Variants in GRID2 observed in about 807,000 individuals in gnomAD.
GRID2 encodes glutamate ionotropic receptor delta type subunit 2.
A neutral mutation model predicts 114.8 loss-of-function variants in GRID2; 33 were observed. The observed-to-expected ratio is 0.29, with a 90% confidence interval of 0.22 to 0.38. GRID2 has a LOEUF of 0.38. Ranked by LOEUF, GRID2 falls within the 10% of genes least tolerant of loss-of-function variation. GRID2 has a pLI of 1.00. For synonymous variants in GRID2, 505 were observed against 449.9 expected, an observed-to-expected ratio of 1.12 and a Z score of -1.55; for missense variants, 1,184 against 1,257.7, an observed-to-expected ratio of 0.94 and a Z score of 0.89.
rs575114805 is a variant in GRID2, at chr4:93,399,106, G to T, written c.1347+3398G>T. ...TTTAATCTATACTCAACTTGATGTT[G>T]TCACCTAAACGCAACCTCCCACCCC... On this transcript the variant is annotated intron_variant, in intron 9 of 15. Transcript: ENST00000282020. Among the ~76,000 whole-genome samples the T allele has an allele frequency of 8.6e-5, 13 of 151,970 alleles. No homozygotes were observed. The East Asian group carries it at 2.1e-3, about 25-fold the overall frequency.
chr4:93,342,418 C>T (rs1759760419), intron 8 of GRID2, among the ~76,000 whole-genome samples: 1 of 152,058 alleles, frequency 6.6e-6, no homozygotes, highest in African/African-American at 2.4e-5. Context: ...GCTTAAAATC[C>T]ATTTCCTCAT....
chr4:93,227,141 AT>A (rs1367783666), intron 7 of GRID2, among the ~76,000 whole-genome samples: 1 of 152,106 alleles, frequency 6.6e-6, no homozygotes, highest in East Asian at 1.9e-4. Context: ...TCTTTCTCCT[AT>A]TGTCCTGATA....
chr4:93,044,168 A>G (rs1725900946), intron 2 of GRID2, among the ~76,000 whole-genome samples: 1 of 152,088 alleles, frequency 6.6e-6, no homozygotes, highest in Non-Finnish European at 1.5e-5. Context: ...TTTGATTTAG[A>G]CATGGAGAAA....
At chr4:93,471,187 G>A (rs1472438716) in intron 11 of GRID2, among the ~76,000 whole-genome samples, 2 of 152,088 alleles carry the variant, frequency 1.3e-5, no homozygotes, top group Admixed American at 6.5e-5. Flanking sequence ...ATAAAACTTT[G>A]TTATTAAAAC....
In GRID2 at chr4:93,786,594, C is replaced by T. The variant is rs2110355167; in HGVS notation, c.221+17144C>T. Among the ~76,000 whole-genome samples, 3 of 152,282 alleles carry T rather than the reference C, an allele frequency of 2.0e-5. No homozygotes were observed. In the South Asian group the frequency reaches 6.2e-4, roughly 32 times the overall value. ...GTGAATGCAAATAAATTTCTAGGTTCAATTGCCTGATGTTTAGTGAGAATT... is the reference window on the plus strand; with the variant it reads ...GTGAATGCAAATAAATTTCTAGGTTTAATTGCCTGATGTTTAGTGAGAATT... On this transcript the variant is annotated intron_variant, in intron 1 of 1. Coordinates refer to the GRID2 transcript ENST00000637838.
At chr4:93,305,909 GATCT>G (rs1755371348) in intron 8 of GRID2, among the ~76,000 whole-genome samples, 1 of 151,986 alleles carries the variant, frequency 6.6e-6, no homozygotes, top group Non-Finnish European at 1.5e-5. Flanking sequence ...ACAAGTTAAC[GATCT>G]ATGTGATTCA....
intron 2 of GRID2, among the ~76,000 whole-genome samples, chr4:92,860,295 T>G (rs1375987088): frequency 6.6e-6 from 1 of 152,154 alleles, no homozygotes; most frequent in Non-Finnish European, 1.5e-5. Context: ...CGGTCAGCTT[T>G]CTTTTTGTTA....
intron 1 of GRID2, among the ~76,000 whole-genome samples, chr4:92,314,787 A>G (rs1219848917): frequency 6.6e-6 from 1 of 152,166 alleles, no homozygotes; most frequent in Non-Finnish European, 1.5e-5. Context: ...CCAAAATCTG[A>G]AAAAATTCTG....
intron 2 of GRID2, among the ~76,000 whole-genome samples, chr4:92,608,626 C>T (rs1400595444): frequency 6.6e-6 from 1 of 151,798 alleles, no homozygotes; most frequent in Non-Finnish European, 1.5e-5. Context: ...TGGTGCTGTG[C>T]TCTTACATGA....
intron 4 of GRID2, among the ~76,000 whole-genome samples, chr4:93,117,877 A>G (rs1733425884): frequency 6.6e-6 from 1 of 152,178 alleles, no homozygotes; most frequent in South Asian, 2.1e-4. Flanking sequence ...GCTTTTAAAT[A>G]TAAATACAAA....
chr4:93,384,270 G>A (rs183806198), intron 8 of GRID2, among the ~76,000 whole-genome samples: 15 of 152,188 alleles, frequency 9.9e-5, no homozygotes, highest in East Asian at 3.9e-4. Flanking sequence ...ATTTTGGAGC[G>A]CAACAATATT....
At chr4:92,898,609 G>T (rs1747341351) in intron 2 of GRID2, among the ~76,000 whole-genome samples, 1 of 152,108 alleles carries the variant, frequency 6.6e-6, no homozygotes, top group Admixed American at 6.5e-5. Context: ...TGCAGAAGAG[G>T]AGAGAAAAAG....
At chr4:93,531,462 C>G (rs1731437688) in intron 13 of GRID2, among the ~76,000 whole-genome samples, 1 of 151,938 alleles carries the variant, frequency 6.6e-6, no homozygotes, top group Non-Finnish European at 1.5e-5. Flanking sequence ...ATTATGCACA[C>G]AGGACAGGTG....
intron 8 of GRID2, among the ~76,000 whole-genome samples, chr4:93,300,028 C>T (rs928587932): frequency 5.9e-5 from 9 of 152,276 alleles, no homozygotes; most frequent in Middle Eastern, 3.4e-3. Flanking sequence ...CATGCATTCT[C>T]GTGTACACTT....
intron 2 of GRID2, among the ~76,000 whole-genome samples, chr4:92,728,928 CTA>C (rs1736193874): frequency 6.6e-6 from 1 of 151,930 alleles, no homozygotes. Flanking sequence ...ACATAGAACT[CTA>C]GTTTATATTT....
chr4:93,759,893 A>G (rs1417497563), intron 14 of GRID2, among the ~76,000 whole-genome samples: 1 of 152,214 alleles, frequency 6.6e-6, no homozygotes, highest in Non-Finnish European at 1.5e-5. Context: ...AGGTGCTTCC[A>G]TTTATACAGA....
chr4:92,967,583 A>G (rs966635356), intron 2 of GRID2, among the ~76,000 whole-genome samples: 2 of 151,836 alleles, frequency 1.3e-5, no homozygotes, highest in African/African-American at 4.8e-5. Flanking sequence ...TGTATTCTGT[A>G]CTACCTGATT....
intron 13 of GRID2, among the ~76,000 whole-genome samples, chr4:93,614,651 A>G (rs1741404375): frequency 6.6e-6 from 1 of 152,182 alleles, no homozygotes; most frequent in South Asian, 2.1e-4. Flanking sequence ...TAGTAGTACT[A>G]ATTAAATAAT....
chr4:93,462,445 T>A (rs1434099081), intron 11 of GRID2, among the ~76,000 whole-genome samples: 2 of 152,076 alleles, frequency 1.3e-5, no homozygotes, highest in African/African-American at 4.8e-5. Flanking sequence ...CCTTTAGGAG[T>A]GTTAGAAATA....
Sources: gnomAD v4.1 joint callset for allele counts (sites outside exome capture counted in the v4.1 genomes callset) on GRCh38, gnomAD v4.1.1 for gene constraint, MANE v1.5 for transcripts, NCBI Gene and HGNC (gene_info 2026-07-23, HGNC 2026-07-21) for gene names.